PRRG4: variants seen among roughly 807,000 people sequenced by gnomAD.
PRRG4 encodes proline rich and Gla domain 4, also known as transmembrane gamma-carboxyglutamic acid protein 4.
In PRRG4, 12 loss-of-function variants were observed where a neutral mutation model predicts 20.0. The ratio of observed to expected loss-of-function variants is 0.60; its 90% CI spans 0.38 to 0.97. The LOEUF is 0.97. Among genes scored for constraint, PRRG4 ranks in the 50% least tolerant of loss-of-function variants. The probability of loss-of-function intolerance (pLI) is 0.00; values close to 1 mark genes in which losing one functional copy is unlikely to be tolerated. For synonymous variants in PRRG4, 94 were observed against 96.4 expected (o/e 0.98, Z 0.15); for missense variants, 199 against 265.1 (o/e 0.75, Z 1.73).
In PRRG4 at chr11:32,840,216, G is replaced by A; in HGVS notation, c.426G>A (p.Lys142=). 1.3e-6 allele frequency: 2 copies of A among 1,599,016 alleles called. No individual in the cohort carries two copies. The highest frequency in any genetic ancestry group is 1.7e-6 in the Non-Finnish European group (2 of 1,168,454). Residue 142 remains lysine (K), a synonymous_variant, in exon 5 of 6, where the codon AAG becomes AAA. Transcript: ENST00000257836. This position sits in a 1 kb window ranked among gnomAD's most constrained non-coding sequence, Gnocchi z 4.1. ...TTGGCTACTATCTTTGTATCACTAA[G>A]TGTAATAGGCTACAACATCCATGGT... The part of the protein sequence containing the change: ...GLLGYYLCIT[K]CNRLQHPCSS...
Position 32,830,562 on chromosome 11 carries a change from GC to G in PRRG4, c.36del (p.Thr13GlnfsTer53). On this transcript the variant is annotated frameshift_variant, in exon 2 of 6. Coordinates refer to ENST00000257836, the MANE Select transcript of PRRG4 (RefSeq NM_024081.6). LOFTEE classifies it high-confidence loss of function. ...CGCTTCTGGTTCTACTCAGCCAACT[GC>G]CCACAGTTACCCTGGGGTTTCCTCA... ...FTLLVLLSQL[P>X]TVTLGFPHCA... 1.9e-6 allele frequency: 3 copies of G among 1,607,092 alleles called. No individual in the cohort carries two copies. Among genetic ancestry groups the G allele is most frequent in the Non-Finnish European group, 2.5e-6 (3 of 1,177,764 alleles).
intron 5 of PRRG4, among the ~76,000 whole-genome samples, chr11:32,846,040 C>T (rs1055657453): frequency 5.3e-5 from 8 of 151,934 alleles, no homozygotes; most frequent in African/African-American, 1.7e-4. Flanking sequence ...TGCCTTTATA[C>T]CCAACTACTA....
chr11:32,854,012 CAGA>C lies in PRRG4; in HGVS notation c.*488_*490del, dbSNP rs1422760406. 3.2e-5 allele frequency: 5 copies of C among 154,938 alleles called. No homozygotes were observed. Among genetic ancestry groups the C allele is most frequent in the Non-Finnish European group, 7.2e-5 (5 of 69,696 alleles). 9.6% of individuals were successfully genotyped at this position (154,938 alleles called of 1,614,324 possible). On this transcript the variant is annotated 3_prime_UTR_variant, in exon 6 of 6. Transcript: ENST00000257836. The stretch of plus-strand genomic sequence containing the variant: ...AAGAATAAGTCCATGTACTGTACCA[CAGA>C]AGTTCTGTCTGCATCTTGGACCTGA...
chr11:32,832,498 T>TC (rs1401399768), intron 2 of PRRG4, among the ~76,000 whole-genome samples: 3 of 142,124 alleles, frequency 2.1e-5, no homozygotes, highest in Admixed American at 7.2e-5. Flanking sequence ...TTTTTTTTTT[T>TC]CAGACAGAGT....
intron 5 of PRRG4, among the ~76,000 whole-genome samples, chr11:32,844,477 T>C (rs1229261152): frequency 0.012 from 92 of 7,670 alleles, no homozygotes; most frequent in African/African-American, 0.025. Context: ...CTATTATTAT[T>C]ATTATTATTA....
intron 2 of PRRG4, among the ~76,000 whole-genome samples, chr11:32,835,258 A>C (rs996553194): frequency 6.6e-6 from 1 of 152,266 alleles, no homozygotes; most frequent in Non-Finnish European, 1.5e-5. Context: ...AAAGGGCCAA[A>C]AATAAATGTA....
intron 4 of PRRG4, among the ~76,000 whole-genome samples, chr11:32,839,685 A>G (rs971645202): frequency 6.9e-6 from 1 of 145,424 alleles, no homozygotes; most frequent in Admixed American, 6.9e-5. Flanking sequence ...TTATTAAAAT[A>G]TAAGTATTAT....
At chr11:32,834,118 CTT>C (rs1850998739) in intron 2 of PRRG4, among the ~76,000 whole-genome samples, 1 of 152,134 alleles carries the variant, frequency 6.6e-6, no homozygotes, top group Admixed American at 6.5e-5. Flanking sequence ...AGAGAAGGGC[CTT>C]GTAAGCCACT....
Position 32,829,996 on chromosome 11 carries a change from G to A in PRRG4, c.-200G>A, listed in dbSNP as rs1850946926. ...GCGTGTTCCCCGGGCGCCCCTCTGC[G>A]AACCCCAGGCCCTTCCCAGGTTTGC... On this transcript the variant is annotated 5_prime_UTR_variant, in exon 1 of 6. Transcript: ENST00000257836. 5 of 985,472 alleles carry A rather than the reference G, an allele frequency of 5.1e-6. No homozygotes were observed. The South Asian group carries it at 1.9e-4, about 37-fold the overall frequency. 61.0% of individuals were successfully genotyped at this position (985,472 alleles called of 1,614,324 possible).
rs2133443403 is a variant in PRRG4 at position 32,840,772 on chromosome 11, A to T, written c.449+533A>T. 6.6e-6 allele frequency among the ~76,000 whole-genome samples: 1 copy of T among 152,366 alleles called. No individual in the cohort carries two copies. The highest frequency in any genetic ancestry group is 1.9e-4 in the East Asian group (1 of 5,194). ...ATACCAGTGTCTTCACATTATTTCC[A>T]GAGGCAAGAAGTCCTATAGTTTACG... On this transcript the variant is annotated intron_variant, in intron 5 of 5. Transcript: ENST00000257836. This position sits in a 1 kb window ranked among gnomAD's most constrained non-coding sequence, Gnocchi z 4.1.
chr11:32,841,786 G>GACA (rs922902470), intron 5 of PRRG4, among the ~76,000 whole-genome samples: 7 of 151,946 alleles, frequency 4.6e-5, no homozygotes, highest in Admixed American at 3.9e-4. Flanking sequence ...CTCCAGCCTG[G>GACA]ACAACAACAA....
intron 5 of PRRG4, among the ~76,000 whole-genome samples, chr11:32,843,042 C>T (rs555183619): frequency 6.6e-6 from 1 of 152,014 alleles, no homozygotes; most frequent in East Asian, 2.0e-4. Context: ...GGGGTTTCAC[C>T]ATGTTGGCCA....
rs1851227963 is a variant in PRRG4 at position 32,856,420 on chromosome 11, G to T, written c.*2893G>T. The T allele has an allele frequency of 6.6e-6, 1 of 152,178 alleles. No homozygotes were observed. Among genetic ancestry groups the T allele is most frequent in the Non-Finnish European group, 1.5e-5 (1 of 68,038 alleles). 9.4% of individuals were successfully genotyped at this position (152,178 alleles called of 1,614,324 possible). A position where few individuals can be genotyped will look rare whatever the true frequency, so the allele number is the denominator to read the frequency against. On this transcript the variant is annotated 3_prime_UTR_variant, in exon 6 of 6. Transcript: ENST00000257836. ...TAAATATAAAAAGGAAAATATGATA[G>T]AACTGTTATTGACAAATGCTTATAA...
Position 32,853,719 on chromosome 11 carries a change from T to C in PRRG4, c.*192T>C. The C allele has an allele frequency of 2.3e-5, 12 of 520,868 alleles. No homozygotes were observed. Among genetic ancestry groups the C allele is most frequent in the Middle Eastern group, 5.3e-4 (1 of 1,878 alleles). The allele number at this position is 520,868 out of a possible 1,614,324, so 32.3% of individuals were successfully genotyped here. A position where few individuals can be genotyped will look rare whatever the true frequency, so the allele number is the denominator to read the frequency against. ...GGGGCATGCCTGTAGTCCCACCTAC[T>C]TGGGAGGCTGAAGCAGGAGAATTGC... On this transcript the variant is annotated 3_prime_UTR_variant, in exon 6 of 6. Transcript: ENST00000257836.
At position 32,851,144 on chromosome 11, in the gene PRRG4, G is replaced by A. The variant is rs115486231; in HGVS notation, c.450-2152G>A. ...TCATTTCTTAGTTCCTATATTTTGTGGAGGAAAACAGGCATCATAGGATGT... is the reference window on the plus strand; with the variant it reads ...TCATTTCTTAGTTCCTATATTTTGTAGAGGAAAACAGGCATCATAGGATGT... On this transcript the variant is annotated intron_variant, in intron 5 of 5. Transcript: ENST00000257836. Among the ~76,000 whole-genome samples, 540 of 152,202 alleles carry A rather than the reference G, an allele frequency of 3.5e-3. 6 individuals are homozygous for A. The highest frequency in any genetic ancestry group is 0.013 in the African/African-American group (520 of 41,510).
At chr11:32,853,035 G>A (rs1051807494) in intron 5 of PRRG4, among the ~76,000 whole-genome samples, 6 of 145,396 alleles carry the variant, frequency 4.1e-5, no homozygotes, top group African/African-American at 1.0e-4. Context: ...TGATCCGCCC[G>A]CCTCAGCCTC....
chr11:32,839,434 C>G (rs573834446), intron 4 of PRRG4, among the ~76,000 whole-genome samples: 1 of 151,754 alleles, frequency 6.6e-6, no homozygotes, highest in Non-Finnish European at 1.5e-5. Context: ...AGGTAGGGCC[C>G]CCTCCATGGC....
At chr11:32,844,441 A>G (rs996663415) in intron 5 of PRRG4, among the ~76,000 whole-genome samples, 2 of 151,568 alleles carry the variant, frequency 1.3e-5, no homozygotes, top group Non-Finnish European at 2.9e-5. Flanking sequence ...TGGTAGCAAG[A>G]GTAGCAAGTA....
At chr11:32,849,758 G>A (rs900223822) in intron 5 of PRRG4, among the ~76,000 whole-genome samples, 1 of 152,210 alleles carries the variant, frequency 6.6e-6, no homozygotes, top group African/African-American at 2.4e-5. Context: ...GGTGCAGAAA[G>A]AAGAGGAGCT....
Sources: gnomAD v4.1 joint callset for allele counts (sites outside exome capture counted in the v4.1 genomes callset) on GRCh38, gnomAD v4.1.1 for gene constraint, Gnocchi (gnomAD v3.1) non-coding constraint, MANE v1.5 for transcripts, NCBI Gene and HGNC (gene_info 2026-07-23, HGNC 2026-07-21) for gene names.